EYA1: variants seen among roughly 807,000 people sequenced by gnomAD.
EYA1 encodes the protein EYA transcriptional coactivator and phosphatase 1, also known as protein phosphatase EYA1.
EYA1 carries 16 observed loss-of-function variants against 82.0 expected under a neutral mutation model. The observed-to-expected ratio is 0.20, with a 90% CI of 0.13 to 0.30. EYA1 has a LOEUF of 0.30. EYA1 is among the 10% of genes least tolerant of loss of function. The probability of loss-of-function intolerance (pLI) is 1.00; values close to 1 mark genes in which losing one functional copy is unlikely to be tolerated. For synonymous variants in EYA1, 261 were observed against 264.4 expected, an observed-to-expected ratio of 0.99 and a Z score of 0.12; for missense variants, 633 against 730.7, an observed-to-expected ratio of 0.87 and a Z score of 1.54.
intron 3 of EYA1, among the ~76,000 whole-genome samples, chr8:71,346,831 G>C (rs1477395111): frequency 1.3e-5 from 2 of 152,122 alleles, no homozygotes; most frequent in Non-Finnish European, 2.9e-5. Flanking sequence ...TATTGAATCT[G>C]TTAATGCATT....
chr8:71,456,277 A>G (rs1807900662), intron 2 of EYA1, among the ~76,000 whole-genome samples: 1 of 152,210 alleles, frequency 6.6e-6, no homozygotes, highest in African/African-American at 2.4e-5. Flanking sequence ...CAAATGGAAG[A>G]ACATTCCATG....
chr8:71,474,379 A>G (rs927671835), intron 2 of EYA1, among the ~76,000 whole-genome samples: 2 of 152,052 alleles, frequency 1.3e-5, no homozygotes, highest in African/African-American at 4.8e-5. Flanking sequence ...TGGAACATAA[A>G]ACCAAGAGAA....
In EYA1 at chr8:71,443,679, A is replaced by T. The variant is rs1315330980; in HGVS notation, c.34-87168T>A. Among the ~76,000 whole-genome samples, 3 of 152,074 alleles carry T rather than the reference A, an allele frequency of 2.0e-5. No individual in the cohort carries two copies. In the East Asian group the frequency reaches 5.8e-4, roughly 29 times the overall value. On this transcript the variant is annotated intron_variant, in intron 2 of 18. Coordinates refer to the EYA1 transcript ENST00000643681. ...ACATTTCCAAGAGTAATTCTCTCAC[A>T]CCCACTCCCCATATTACATTGGCCT...
At chr8:71,424,143 C>T (rs1294750562) in intron 2 of EYA1, among the ~76,000 whole-genome samples, 1 of 152,172 alleles carries the variant, frequency 6.6e-6, no homozygotes, top group Non-Finnish European at 1.5e-5. Context: ...TCCCAAGCTG[C>T]AACACCACCT....
rs568209209 is a variant in EYA1 at position 71,283,408 on chromosome 8, T to C, written c.827-11511A>G. On this transcript the variant is annotated intron_variant, in intron 9 of 17. Coordinates refer to ENST00000340726, the MANE Select transcript of EYA1 (RefSeq NM_000503.6). The stretch of plus-strand genomic sequence containing the variant: ...CACTCTGCCAGATGCATTTTATATG[T>C]ACTTATCATCTGTGCCTCCAATAGA... Among the ~76,000 whole-genome samples, 103 of 152,340 alleles carry C rather than the reference T, an allele frequency of 6.8e-4. No individual in the cohort carries two copies. In the South Asian group the frequency reaches 0.02, roughly 29 times the overall value.
chr8:71,351,955 G>A (rs910018896), intron 3 of EYA1, among the ~76,000 whole-genome samples: 2 of 152,086 alleles, frequency 1.3e-5, no homozygotes, highest in East Asian at 1.9e-4. Flanking sequence ...AAGTTCTGTC[G>A]ACCTAATTAA....
In EYA1 at chr8:71,284,188, G is replaced by A. The variant is rs111978923; in HGVS notation, c.827-12291C>T. ...GCTGCCACCTTCTTCTGGAGGTTTG[G>A]GCCTAAAGGAGAGGGGCTGCCCACA... On this transcript the variant is annotated intron_variant, in intron 9 of 17. Coordinates refer to ENST00000340726, the MANE Select transcript of EYA1 (RefSeq NM_000503.6). Among the ~76,000 whole-genome samples, 3 of 152,282 alleles carry A rather than the reference G, an allele frequency of 2.0e-5. No individual in the cohort carries two copies. In the East Asian group the frequency reaches 5.8e-4, roughly 29 times the overall value.
intron 2 of EYA1, among the ~76,000 whole-genome samples, chr8:71,448,025 T>TTTTTTTTTTTTTTTAGGTAACGGAG (rs935912194): frequency 0.059 from 6,840 of 115,686 alleles, 1,218 homozygotes; most frequent in East Asian, 0.4. Context: ...TTTTTTTTTT[T>TTTTTTTTTTTTTTTAGGTAACGGAG]TCTCGCTCCG....
intron 7 of EYA1, among the ~76,000 whole-genome samples, chr8:71,302,364 A>G (rs1820291824): frequency 6.6e-6 from 1 of 152,180 alleles, no homozygotes; most frequent in Non-Finnish European, 1.5e-5. Context: ...CTATATTGGC[A>G]CACACAGGCC....
chr8:71,346,431 AATATATAT>A (rs3066856), intron 3 of EYA1, among the ~76,000 whole-genome samples: 5 of 105,502 alleles, frequency 4.7e-5, no homozygotes, highest in Admixed American at 3.6e-4. Context: ...TACTGCAGTG[AATATATAT>A]ATATATATAT....
intron 2 of EYA1, among the ~76,000 whole-genome samples, chr8:71,462,718 G>A (rs1729864430): frequency 6.6e-6 from 1 of 152,200 alleles, no homozygotes; most frequent in African/African-American, 2.4e-5. Context: ...AGTGGCAACA[G>A]GGGGCCAGGG....
intron 9 of EYA1, among the ~76,000 whole-genome samples, chr8:71,272,739 T>A (rs1816696291): frequency 6.6e-6 from 1 of 152,232 alleles, no homozygotes. Context: ...TTTTAGTCTA[T>A]CCAATACATA....
chr8:71,520,220 C>T (rs185731771), intron 2 of EYA1, among the ~76,000 whole-genome samples: 2 of 151,770 alleles, frequency 1.3e-5, no homozygotes, highest in East Asian at 2.0e-4. Flanking sequence ...TTGGCCCCCC[C>T]CTCCACTGAG....
At chr8:71,494,346 A>AT (rs895388886) in intron 2 of EYA1, among the ~76,000 whole-genome samples, 12 of 150,998 alleles carry the variant, frequency 7.9e-5, no homozygotes, top group African/African-American at 2.4e-4. Context: ...CAGTTTGCTT[A>AT]TTTTTTTTTA....
intron 12 of EYA1, among the ~76,000 whole-genome samples, chr8:71,219,325 G>A (rs115887131): frequency 9.8e-4 from 149 of 152,190 alleles, no homozygotes; most frequent in African/African-American, 3.5e-3. Flanking sequence ...GTAGTGACAA[G>A]GAAATCCTCA....
intron 2 of EYA1, among the ~76,000 whole-genome samples, chr8:71,495,828 A>T (rs527528685): frequency 6.6e-6 from 1 of 152,216 alleles, no homozygotes; most frequent in East Asian, 1.9e-4. Flanking sequence ...CTGGGTGAAA[A>T]GGTAATGTCT....
intron 9 of EYA1, among the ~76,000 whole-genome samples, chr8:71,286,270 G>A (rs950651434): frequency 6.6e-6 from 1 of 152,204 alleles, no homozygotes; most frequent in African/African-American, 2.4e-5. Context: ...GCTCACTGAG[G>A]AATGCTACGG....
intron 7 of EYA1, 70 bp downstream of exon 7, chr8:71,317,482 T>C: frequency 2.0e-6 from 3 of 1,501,402 alleles, no homozygotes; most frequent in Non-Finnish European, 2.8e-6. Context: ...ACATGGAACA[T>C]CAGGTTCTAC....
At chr8:71,419,544 A>T (rs942183248) in intron 2 of EYA1, among the ~76,000 whole-genome samples, 6 of 152,146 alleles carry the variant, frequency 3.9e-5, no homozygotes, top group African/African-American at 7.2e-5. Context: ...TTGGTGGGGA[A>T]TTGGGATGGA....
Sources: gnomAD v4.1 joint callset for allele counts (sites outside exome capture counted in the v4.1 genomes callset) on GRCh38, gnomAD v4.1.1 for gene constraint, MANE v1.5 for transcripts, NCBI Gene and HGNC (gene_info 2026-07-23, HGNC 2026-07-21) for gene names.